AMMECR1: variants seen among roughly 807,000 people sequenced by gnomAD.
AMMECR1 encodes nuclear protein AMMECR1.
AMMECR1 carries 3 observed loss-of-function variants against 22.5 expected under a neutral mutation model. That is an observed-to-expected ratio of 0.13 (90% confidence interval 0.06 to 0.35). The LOEUF is 0.35. Ranked by LOEUF, AMMECR1 falls within the 10% of genes least tolerant of loss-of-function variation. The pLI is 1.00. For missense variants in AMMECR1, 235 were observed against 278.7 expected (o/e 0.84, Z 1.12); for synonymous variants, 130 against 116.7 (o/e 1.11, Z -0.74).
Position 110,264,481 on chromosome X carries a change from G to A in AMMECR1, c.584+8C>T. On this transcript the variant is annotated splice_region_variant and intron_variant, in intron 2 of 5. Coordinates refer to ENST00000262844, the MANE Select transcript of AMMECR1 (RefSeq NM_015365.3). ...GTAAAAGCAGAGGTAACAAAAATTGGTCTTCACCTGGTAAGTGTGTACTCC... is the reference window on the plus strand; with the variant it reads ...GTAAAAGCAGAGGTAACAAAAATTGATCTTCACCTGGTAAGTGTGTACTCC... 2 of 1,121,980 alleles carry A rather than the reference G, an allele frequency of 1.8e-6. No individual in the cohort carries two copies. Among genetic ancestry groups the A allele is most frequent in the South Asian group, 4.2e-5 (2 of 47,795 alleles). 92.5% of individuals were successfully genotyped at this position (1,121,980 alleles called of 1,213,427 possible).
intron 2 of AMMECR1, among the ~76,000 whole-genome samples, chrX:110,240,166 C>G (rs1244095979): frequency 1.8e-5 from 2 of 110,404 alleles, no homozygotes; most frequent in East Asian, 5.7e-4. Flanking sequence ...GCAAAATAAC[C>G]AGCTTGCATC....
intron 2 of AMMECR1, among the ~76,000 whole-genome samples, chrX:110,225,753 G>C (rs1007226550): frequency 4.5e-5 from 5 of 111,942 alleles, no homozygotes; most frequent in Non-Finnish European, 5.6e-5. Context: ...CCTGTACTAA[G>C]AACTAGAAAT....
At chrX:110,322,680 C>G (rs186441099), upstream of AMMECR1, among the ~76,000 whole-genome samples, 3 of 111,744 alleles carry the variant, frequency 2.7e-5, no homozygotes, top group Non-Finnish European at 5.6e-5. Context: ...TACAAACTCA[C>G]TCATGGCACC....
intron 2 of AMMECR1, chrX:110,419,214 C>T (rs1229225829): frequency 8.9e-6 from 1 of 112,393 alleles, no homozygotes; most frequent in Non-Finnish European, 1.9e-5. Flanking sequence ...CTTTACCTCC[C>T]TCCTAGGGCT....
chrX:110,366,506 T>C (rs2068298092), intron 2 of AMMECR1, among the ~76,000 whole-genome samples: 1 of 111,849 alleles, frequency 8.9e-6, no homozygotes, highest in African/African-American at 3.3e-5. Flanking sequence ...ATGGACACTT[T>C]TCAGCCCTTA....
chrX:110,416,235 C>T (rs918379707), intron 2 of AMMECR1, among the ~76,000 whole-genome samples: 4 of 111,777 alleles, frequency 3.6e-5, no homozygotes, highest in Non-Finnish European at 7.5e-5. Flanking sequence ...GGATTTGAAG[C>T]CGAGTTCAGC....
At chrX:110,330,963 C>T (rs992839723) in intron 2 of AMMECR1, among the ~76,000 whole-genome samples, 1 of 111,201 alleles carries the variant, frequency 9.0e-6, no homozygotes, top group Non-Finnish European at 1.9e-5. Context: ...ACTGCTCCAA[C>T]AAAAGTCACC....
chrX:110,329,575 G>A (rs1172430766), intron 2 of AMMECR1, among the ~76,000 whole-genome samples: 2 of 112,299 alleles, frequency 1.8e-5, no homozygotes, highest in Non-Finnish European at 3.8e-5. Flanking sequence ...TGATGCCACT[G>A]TGCTGCTTCA....
At chrX:110,421,969 T>A (rs1366785426) in intron 2 of AMMECR1, among the ~76,000 whole-genome samples, 1 of 113,244 alleles carries the variant, frequency 8.8e-6, no homozygotes, top group East Asian at 2.8e-4. Context: ...CAACTAGCTC[T>A]AACTGCTTTG....
chrX:110,281,047 C>T (rs1355386438), intron 1 of AMMECR1, among the ~76,000 whole-genome samples: 3 of 112,251 alleles, frequency 2.7e-5, no homozygotes, highest in Non-Finnish European at 5.6e-5. Context: ...ACTAAAAAGA[C>T]TGACTTCACT....
At chrX:110,361,526 T>C (rs759895972) in intron 2 of AMMECR1, among the ~76,000 whole-genome samples, 1 of 111,593 alleles carries the variant, frequency 9.0e-6, no homozygotes, top group Non-Finnish European at 1.9e-5. Flanking sequence ...GCTTCCCATC[T>C]GACACTCAGT....
At chrX:110,417,246 G>C (rs958688036) in intron 2 of AMMECR1, among the ~76,000 whole-genome samples, 6 of 112,049 alleles carry the variant, frequency 5.4e-5, no homozygotes, top group Admixed American at 1.9e-4. Context: ...TTGGAGGGAG[G>C]GGGAGTGAAG....
At chrX:110,369,807 A>G (rs1417781199) in intron 2 of AMMECR1, among the ~76,000 whole-genome samples, 1 of 111,721 alleles carries the variant, frequency 9.0e-6, no homozygotes, top group Non-Finnish European at 1.9e-5. Context: ...ATTCTACCTC[A>G]TTCTTTTTAA....
rs182497865 is a variant in AMMECR1, at chrX:110,355,772, T to C, written c.-147-37923A>G. 5.9e-3 allele frequency among the ~76,000 whole-genome samples: 662 copies of C among 112,138 alleles called. 4 individuals carry two copies. The highest frequency in any genetic ancestry group is 0.021 in the African/African-American group (645 of 30,832). ...TTGAGATCAGTATGTCAAAGAGATATCTGCACGCCCATGTTCATTTTAGTA... is the reference window on the plus strand; with the variant it reads ...TTGAGATCAGTATGTCAAAGAGATACCTGCACGCCCATGTTCATTTTAGTA... On this transcript the variant is annotated intron_variant, in intron 2 of 7. Coordinates refer to the AMMECR1 transcript ENST00000372057.
chrX:110,325,461 C>T (rs1237634920), intron 2 of AMMECR1, among the ~76,000 whole-genome samples: 4 of 112,094 alleles, frequency 3.6e-5, no homozygotes, highest in Non-Finnish European at 7.5e-5. Context: ...TTATTACTGA[C>T]TCAATCTAGT....
chrX:110,436,542 T>G (rs1040688169), intron 1 of AMMECR1, among the ~76,000 whole-genome samples: 22 of 112,053 alleles, frequency 2.0e-4, no homozygotes, highest in African/African-American at 7.1e-4. Context: ...TAAGCCTAAC[T>G]AGGGATGCTT....
rs1025060242 is a variant in AMMECR1 at position 110,231,628 on chromosome X, A to G, written c.585-14996T>C. On this transcript the variant is annotated intron_variant, in intron 2 of 5. Coordinates refer to ENST00000262844, the MANE Select transcript of AMMECR1 (RefSeq NM_015365.3). ...TCAATTAACAGGCAAAATAACCAGC[A>G]AACATCATAATGACAGGGTCAAATT... is the stretch of plus-strand genomic sequence containing the variant. Among the ~76,000 whole-genome samples, 8 of 111,760 alleles carry G rather than the reference A, an allele frequency of 7.2e-5. No individual in the cohort carries two copies. In the Admixed American group the frequency reaches 7.6e-4, roughly 11 times the overall value.
chrX:110,221,451 C>T (rs1430706061), intron 2 of AMMECR1, among the ~76,000 whole-genome samples: 2 of 111,305 alleles, frequency 1.8e-5, no homozygotes, highest in African/African-American at 6.5e-5. Context: ...TTCATCAAAC[C>T]TAAGGGTAGA....
chrX:110,264,703 C>A, intron 1 of AMMECR1, 104 bp from the exon 2 acceptor site: 1 of 624,710 alleles, frequency 1.6e-6, no homozygotes, highest in African/African-American at 2.2e-5. Context: ...ATATAAAGAC[C>A]AAAAGACAGG....
Sources: allele counts gnomAD v4.1 joint callset (sites outside exome capture counted in the v4.1 genomes callset), GRCh38; gene constraint gnomAD v4.1.1; transcripts MANE v1.5; gene names NCBI Gene and HGNC (gene_info 2026-07-23, HGNC 2026-07-21).